Variants in CDH4 observed in about 807,000 individuals in gnomAD.
CDH4 encodes cadherin 4, also known as cadherin-4.
CDH4 carries 33 observed loss-of-function variants against 86.0 expected under a neutral mutation model. The observed-to-expected ratio is 0.38, with a 90% CI of 0.29 to 0.51. The LOEUF (loss-of-function observed/expected upper bound fraction) is 0.51. Among genes scored for constraint, CDH4 ranks in the 20% least tolerant of loss-of-function variants. The probability of loss-of-function intolerance (pLI) is 0.86; values close to 1 mark genes in which losing one functional copy is unlikely to be tolerated. For missense variants in CDH4, 1,114 were observed against 1,307.4 expected (o/e 0.85, Z 2.28); for synonymous variants, 555 against 549.4 (o/e 1.01, Z -0.14).
chr20:61,564,696 T>C (rs2145692256), intron 2 of CDH4, among the ~76,000 whole-genome samples: 1 of 152,276 alleles, frequency 6.6e-6, no homozygotes, highest in Middle Eastern at 3.4e-3. Flanking sequence ...TATTTATTTA[T>C]AGTAATGCAA....
intron 2 of CDH4, among the ~76,000 whole-genome samples, chr20:61,468,425 T>C (rs924980186): frequency 6.6e-6 from 1 of 152,196 alleles, no homozygotes; most frequent in African/African-American, 2.4e-5. Context: ...TTTTTCTGGA[T>C]ACATAGAAGG....
intron 2 of CDH4, among the ~76,000 whole-genome samples, chr20:61,381,812 A>T (rs562809236): frequency 6.6e-6 from 1 of 152,332 alleles, no homozygotes; most frequent in Non-Finnish European, 1.5e-5. Flanking sequence ...GTAGTGGCTC[A>T]CACCTGTAAT....
chr20:61,380,428 C>T (rs1330939720), intron 2 of CDH4, among the ~76,000 whole-genome samples: 4 of 152,086 alleles, frequency 2.6e-5, no homozygotes, highest in African/African-American at 9.7e-5. Flanking sequence ...TATCCATATC[C>T]GTGGACAGAT....
intron 2 of CDH4, among the ~76,000 whole-genome samples, chr20:61,611,244 A>G (rs560614790): frequency 2.0e-5 from 3 of 152,002 alleles, no homozygotes; most frequent in Non-Finnish European, 4.4e-5. Flanking sequence ...GGTGGGGCAA[A>G]AAGTTCCCAT....
intron 4 of CDH4, among the ~76,000 whole-genome samples, chr20:61,832,813 T>A (rs748801978): frequency 1.3e-5 from 2 of 152,202 alleles, no homozygotes; most frequent in Non-Finnish European, 2.9e-5. Flanking sequence ...TGCCTGGCAC[T>A]GCAAACTAGT....
intron 2 of CDH4, among the ~76,000 whole-genome samples, chr20:61,523,178 T>G (rs2085885292): frequency 6.6e-6 from 1 of 152,220 alleles, no homozygotes; most frequent in Non-Finnish European, 1.5e-5. Flanking sequence ...GGCGGCTCCA[T>G]GCCAGAACGG....
At chr20:61,451,415 A>G (rs1306096927) in intron 2 of CDH4, among the ~76,000 whole-genome samples, 1 of 152,204 alleles carries the variant, frequency 6.6e-6, no homozygotes, top group Non-Finnish European at 1.5e-5. Flanking sequence ...TCAAAGCCTC[A>G]GTTTTGTAAT....
intron 2 of CDH4, among the ~76,000 whole-genome samples, chr20:61,381,682 A>C (rs1600920342): frequency 6.6e-6 from 1 of 150,912 alleles, no homozygotes; most frequent in Non-Finnish European, 1.5e-5. Context: ...CCACCTAAGG[A>C]ATATCAATTA....
In CDH4 at chr20:61,656,327, G is replaced by A. The variant is rs1286411889; in HGVS notation, c.170-87236G>A. ...TAGGCACGTGCTGAAGTGGGCAGGCGCGTGCTGGGGTGGGTAGGCGCGTGC... is the reference window on the plus strand; with the variant it reads ...TAGGCACGTGCTGAAGTGGGCAGGCACGTGCTGGGGTGGGTAGGCGCGTGC... On this transcript the variant is annotated intron_variant, in intron 2 of 15. Coordinates refer to ENST00000614565, the MANE Select transcript of CDH4 (RefSeq NM_001794.5). 7.2e-5 allele frequency among the ~76,000 whole-genome samples: 10 copies of A among 138,926 alleles called. 1 individual carries two copies. The highest frequency in any genetic ancestry group is 1.2e-4 in the Non-Finnish European group (8 of 65,468). The allele number at this position is 138,926 out of a possible 152,430, so 91.1% of individuals were successfully genotyped here. A position where few individuals can be genotyped will look rare whatever the true frequency, so the allele number is the denominator to read the frequency against.
intron 2 of CDH4, among the ~76,000 whole-genome samples, chr20:61,479,360 C>T (rs928485872): frequency 4.6e-5 from 7 of 151,638 alleles, no homozygotes; most frequent in Non-Finnish European, 8.8e-5. Context: ...CCTTCCCCCA[C>T]CCCACAACAG....
chr20:61,865,734 T>C (rs778794851), intron 6 of CDH4, among the ~76,000 whole-genome samples: 2 of 151,900 alleles, frequency 1.3e-5, no homozygotes, highest in Non-Finnish European at 2.9e-5. Context: ...GACAGGTTAG[T>C]GTAGATGATA....
intron 2 of CDH4, among the ~76,000 whole-genome samples, chr20:61,619,218 C>T (rs1568716146): frequency 6.6e-6 from 1 of 152,196 alleles, no homozygotes; most frequent in South Asian, 2.1e-4. Context: ...GTCACCCTGA[C>T]TGGACACTTG....
intron 2 of CDH4, among the ~76,000 whole-genome samples, chr20:61,411,712 C>T (rs1408195111): frequency 3.3e-5 from 5 of 152,182 alleles, no homozygotes; most frequent in African/African-American, 1.2e-4. Context: ...ATGAGCAGTG[C>T]CTGCTGGGCC....
intron 2 of CDH4, among the ~76,000 whole-genome samples, chr20:61,567,641 C>A (rs59312833): frequency 0.025 from 3,763 of 152,264 alleles, 106 homozygotes; most frequent in African/African-American, 0.071. Context: ...CAGACCATGC[C>A]GGGTCCTCCC....
chr20:61,546,140 ATTTGTTCACATTCGTGAGG>A (rs2086083009), intron 2 of CDH4, among the ~76,000 whole-genome samples: 19 of 18,446 alleles, frequency 1.0e-3, no homozygotes, highest in Admixed American at 4.7e-3. Flanking sequence ...GGGATACGGT[ATTTGTTCACATTCGTGAGG>A]GTGTGTGCCT....
chr20:61,877,703 G>A (rs1048211788), intron 7 of CDH4, among the ~76,000 whole-genome samples: 15 of 152,122 alleles, frequency 9.9e-5, no homozygotes, highest in South Asian at 2.1e-4. Flanking sequence ...GCTAACATTC[G>A]ATTCCAGGAA....
intron 2 of CDH4, among the ~76,000 whole-genome samples, chr20:61,731,692 G>C (rs1339537287): frequency 5.3e-5 from 8 of 152,252 alleles, no homozygotes; most frequent in Non-Finnish European, 5.9e-5. Flanking sequence ...GCCCCGTGCA[G>C]ACGCTGCCAC....
intron 2 of CDH4, among the ~76,000 whole-genome samples, chr20:61,450,784 C>A (rs2085374932): frequency 6.7e-6 from 1 of 149,348 alleles, no homozygotes; most frequent in Non-Finnish European, 1.5e-5. Flanking sequence ...GCAGAGAGAA[C>A]CCTGCTCTCC....
chr20:61,566,170 C>T (rs2086296437), intron 2 of CDH4, among the ~76,000 whole-genome samples: 1 of 152,220 alleles, frequency 6.6e-6, no homozygotes, highest in Non-Finnish European at 1.5e-5. Flanking sequence ...CTGCATGGTC[C>T]CAGGGCTTCC....
Sources: gnomAD v4.1 joint callset for allele counts (sites outside exome capture counted in the v4.1 genomes callset) on GRCh38, gnomAD v4.1.1 for gene constraint, MANE v1.5 for transcripts, NCBI Gene and HGNC (gene_info 2026-07-23, HGNC 2026-07-21) for gene names.